The following GABRG3 variants were observed in gnomAD, a reference collection of about 807,000 sequenced individuals.
GABRG3 encodes the protein gamma-aminobutyric acid type A receptor subunit gamma3.
GABRG3 carries 25 observed loss-of-function variants against 48.8 expected under a neutral mutation model. The ratio of observed to expected loss-of-function variants is 0.51; its 90% CI spans 0.37 to 0.72. The LOEUF is 0.72. Ranked by LOEUF, GABRG3 falls within the 30% of genes least tolerant of loss-of-function variation. The probability of loss-of-function intolerance (pLI) is 0.00; values close to 1 mark genes in which losing one functional copy is unlikely to be tolerated. For synonymous variants in GABRG3, 227 were observed against 217.6 expected, an observed-to-expected ratio of 1.04 and a Z score of -0.38; for missense variants, 394 against 577.9, an observed-to-expected ratio of 0.68 and a Z score of 3.26.
In GABRG3 at chr15:27,172,211, A is replaced by AAAATGTGGAGC. The variant is rs1353567267; in HGVS notation, c.270+145393_270+145394insTGTGGAGCAAA. ...AAGGAGAAGAGTGTATACGTGGAGC[A>AAAATGTGGAGC]AAAATGTGATATGACGGGGCTAGGA... On this transcript the variant is annotated intron_variant, in intron 3 of 9. Transcript: ENST00000615808. 2.0e-5 allele frequency among the ~76,000 whole-genome samples: 3 copies of AAAATGTGGAGC among 152,294 alleles called. No homozygotes were observed. The East Asian group carries it at 5.8e-4, about 29-fold the overall frequency.
At chr15:27,122,904 T>C (rs1195751722) in intron 3 of GABRG3, among the ~76,000 whole-genome samples, 1 of 152,222 alleles carries the variant, frequency 6.6e-6, no homozygotes, top group Admixed American at 6.5e-5. Flanking sequence ...GTGTTTAGCA[T>C]GGAAAGCAAG....
chr15:27,354,007 G>A (rs1008891507), intron 5 of GABRG3, among the ~76,000 whole-genome samples: 2 of 152,186 alleles, frequency 1.3e-5, no homozygotes, highest in Non-Finnish European at 2.9e-5. Flanking sequence ...GCTCAGGAGG[G>A]AAGAAAGAAG....
chr15:27,497,646 C>T (rs373864381), intron 6 of GABRG3, among the ~76,000 whole-genome samples: 369 of 152,236 alleles, frequency 2.4e-3, no homozygotes, highest in African/African-American at 8.5e-3. Flanking sequence ...TTTTAATTGG[C>T]AGATTTGGTG....
intron 3 of GABRG3, among the ~76,000 whole-genome samples, chr15:27,167,017 C>G (rs1887396119): frequency 6.6e-6 from 1 of 152,150 alleles, no homozygotes; most frequent in African/African-American, 2.4e-5. Context: ...TTTTGCTCAG[C>G]TCTTCTGAGT....
chr15:27,060,727 A>G (rs1004203483), intron 3 of GABRG3, among the ~76,000 whole-genome samples: 2 of 152,186 alleles, frequency 1.3e-5, no homozygotes, highest in African/African-American at 4.8e-5. Context: ...GTAAGGAAGG[A>G]GGGACCTTTC....
In GABRG3 at chr15:27,319,067, TA is replaced by T. The variant is rs1242296141; in HGVS notation, c.271-7735del. Among the ~76,000 whole-genome samples the T allele has an allele frequency of 7.2e-5, 11 of 152,134 alleles. No homozygotes were observed. Among genetic ancestry groups the T allele is most frequent in the Non-Finnish European group, 1.5e-4 (10 of 68,022 alleles). On this transcript the variant is annotated intron_variant, in intron 3 of 9. Coordinates refer to ENST00000615808, the MANE Select transcript of GABRG3 (RefSeq NM_033223.5). This position sits in a 1 kb window ranked among gnomAD's most constrained non-coding sequence, Gnocchi z 4.4. The stretch of plus-strand genomic sequence containing the variant: ...TAGATCATAAATGTTCTCACCACCA[TA>T]AAAAAATAAAAGGCAACTGTGAGGT...
chr15:27,086,324 G>C (rs1205398054), intron 3 of GABRG3, among the ~76,000 whole-genome samples: 2 of 149,576 alleles, frequency 1.3e-5, no homozygotes, highest in Admixed American at 6.7e-5. Flanking sequence ...TCAGAGTTCT[G>C]CGCATTTACA....
chr15:27,441,091 G>C (rs1888770509), intron 5 of GABRG3, among the ~76,000 whole-genome samples: 1 of 152,142 alleles, frequency 6.6e-6, no homozygotes, highest in Non-Finnish European at 1.5e-5. Flanking sequence ...GTTGTTGTTT[G>C]TTTTTAAAAT....
chr15:27,017,357 T>G (rs1470708389), intron 2 of GABRG3, among the ~76,000 whole-genome samples: 1 of 152,220 alleles, frequency 6.6e-6, no homozygotes, highest in African/African-American at 2.4e-5. Flanking sequence ...GGGTTCACTC[T>G]GATGCCTGTT....
intron 3 of GABRG3, among the ~76,000 whole-genome samples, chr15:27,088,289 A>G (rs1016335000): frequency 2.5e-4 from 34 of 134,416 alleles, no homozygotes; most frequent in Non-Finnish European, 4.8e-4. Context: ...GCGGGCCAGG[A>G]GTGGGAAGTG....
intron 6 of GABRG3, among the ~76,000 whole-genome samples, chr15:27,507,720 CTGTT>C (rs1026983270): frequency 1.2e-4 from 18 of 151,996 alleles, no homozygotes; most frequent in Admixed American, 3.9e-4. Context: ...TACATATTTT[CTGTT>C]TGTTTGTCCT....
In GABRG3 at chr15:27,179,836, A is replaced by G. The variant is rs562423030; in HGVS notation, c.271-146973A>G. On this transcript the variant is annotated intron_variant, in intron 3 of 9. Coordinates refer to ENST00000615808, the MANE Select transcript of GABRG3 (RefSeq NM_033223.5). The surrounding 1 kb of genome is among the most constrained non-coding windows in gnomAD (Gnocchi z 4.0). ...ATTAAAGGGAGGAGAGCTGCGTAGAAGAGAGACAGTGGGGTCCTCTTAGGC... is the reference window on the plus strand; with the variant it reads ...ATTAAAGGGAGGAGAGCTGCGTAGAGGAGAGACAGTGGGGTCCTCTTAGGC... Among the ~76,000 whole-genome samples, 69 of 152,342 alleles carry G rather than the reference A, an allele frequency of 4.5e-4. No homozygotes were observed. The highest frequency in any genetic ancestry group is 8.1e-4 in the Non-Finnish European group (55 of 68,026).
At chr15:27,443,346 CTTTA>C (rs748835314) in intron 5 of GABRG3, among the ~76,000 whole-genome samples, 1 of 152,110 alleles carries the variant, frequency 6.6e-6, no homozygotes, top group Admixed American at 6.5e-5. Flanking sequence ...TGGTATATCT[CTTTA>C]TTTAGTTAGG....
At chr15:27,172,272 T>G (rs74926390) in intron 3 of GABRG3, among the ~76,000 whole-genome samples, 3,505 of 152,234 alleles carry the variant, frequency 0.023, 140 homozygotes, top group African/African-American at 0.08. Context: ...AGTGTTATGA[T>G]AAGTGAAGCT....
intron 5 of GABRG3, among the ~76,000 whole-genome samples, chr15:27,392,481 G>A (rs1371437438): frequency 1.3e-5 from 2 of 152,188 alleles, no homozygotes; most frequent in Admixed American, 1.3e-4. Flanking sequence ...CATAGGTCAA[G>A]TACAGTTCTC....
At chr15:27,145,664 T>TCTATCTATCTATCTATC (rs61419936) in intron 3 of GABRG3, among the ~76,000 whole-genome samples, 1 of 134,364 alleles carries the variant, frequency 7.4e-6, no homozygotes, top group Non-Finnish European at 1.5e-5. Context: ...TATCTATCTA[T>TCTATCTATCTATCTATC]TGTGCCAGAA....
intron 5 of GABRG3, among the ~76,000 whole-genome samples, chr15:27,409,403 G>T (rs1887733148): frequency 6.6e-6 from 1 of 151,900 alleles, no homozygotes; most frequent in African/African-American, 2.4e-5. Flanking sequence ...AAATCGCTTA[G>T]ACATATTTGA....
intron 3 of GABRG3, among the ~76,000 whole-genome samples, chr15:27,040,185 T>C (rs1896251684): frequency 6.6e-6 from 1 of 152,226 alleles, no homozygotes; most frequent in African/African-American, 2.4e-5. Context: ...CCACTTGCTG[T>C]GTTCGGGGTG....
intron 3 of GABRG3, among the ~76,000 whole-genome samples, chr15:27,157,433 T>C (rs1203377820): frequency 1.3e-5 from 2 of 152,206 alleles, no homozygotes; most frequent in East Asian, 1.9e-4. Flanking sequence ...TTAAAAATAA[T>C]AGACTTGAAT....
Sources: gnomAD v4.1 joint callset for allele counts (sites outside exome capture counted in the v4.1 genomes callset) on GRCh38, gnomAD v4.1.1 for gene constraint, Gnocchi (gnomAD v3.1) non-coding constraint, MANE v1.5 for transcripts, NCBI Gene and HGNC (gene_info 2026-07-23, HGNC 2026-07-21) for gene names.